AKAP6: variants seen among roughly 807,000 people sequenced by gnomAD.
The protein encoded by AKAP6 is A-kinase anchor protein 6.
A neutral mutation model predicts 188.5 loss-of-function variants in AKAP6; 58 were observed. That is an observed-to-expected ratio of 0.31 (90% CI 0.25 to 0.38). AKAP6 has a LOEUF of 0.38. Among genes scored for constraint, AKAP6 ranks in the 10% least tolerant of loss-of-function variants. The pLI is 1.00. For missense variants in AKAP6, 2,710 were observed against 2,740.0 expected, an observed-to-expected ratio of 0.99 and a Z score of 0.24; for synonymous variants, 989 against 998.6, an observed-to-expected ratio of 0.99 and a Z score of 0.18.
At chr14:32,572,735 T>C (rs979824227) in intron 4 of AKAP6, among the ~76,000 whole-genome samples, 4 of 152,256 alleles carry the variant, frequency 2.6e-5, no homozygotes, top group African/African-American at 9.6e-5. Flanking sequence ...CCAGTAAGTA[T>C]ACATTTGCAT....
intron 9 of AKAP6, among the ~76,000 whole-genome samples, chr14:32,724,684 C>T (rs1235976925): frequency 6.6e-6 from 1 of 152,008 alleles, no homozygotes; most frequent in Non-Finnish European, 1.5e-5. Flanking sequence ...CCGATCACTT[C>T]AAAACAGGCA....
intron 1 of AKAP6, among the ~76,000 whole-genome samples, chr14:32,414,458 C>T (rs1190486153): frequency 6.6e-6 from 1 of 152,130 alleles, no homozygotes. Context: ...TTTGCAGAAC[C>T]GGTATTACAT....
chr14:32,684,022 G>T (rs1395696922), intron 8 of AKAP6, among the ~76,000 whole-genome samples: 1 of 152,230 alleles, frequency 6.6e-6, no homozygotes, highest in Non-Finnish European at 1.5e-5. Context: ...GGAGACAGAT[G>T]TGGCATTCAC....
chr14:32,411,712 C>G (rs1053383457), intron 1 of AKAP6, among the ~76,000 whole-genome samples: 1 of 151,700 alleles, frequency 6.6e-6, no homozygotes, highest in Non-Finnish European at 1.5e-5. Context: ...ATTTAGCTTT[C>G]TTAGATCTGC....
chr14:32,487,663 C>T (rs1879776249), intron 2 of AKAP6, among the ~76,000 whole-genome samples: 1 of 152,196 alleles, frequency 6.6e-6, no homozygotes, highest in Non-Finnish European at 1.5e-5. Context: ...ACTGGTTTTT[C>T]CTCATCTTCA....
At chr14:32,749,327 A>G (rs1420999096) in intron 11 of AKAP6, among the ~76,000 whole-genome samples, 1 of 152,218 alleles carries the variant, frequency 6.6e-6, no homozygotes, top group African/African-American at 2.4e-5. Context: ...TTTAAACAGC[A>G]CTTTCAGCTT....
chr14:32,716,802 G>C (rs1203672710), intron 9 of AKAP6, among the ~76,000 whole-genome samples: 1 of 151,484 alleles, frequency 6.6e-6, no homozygotes, highest in African/African-American at 2.4e-5. Context: ...TTATTTCTAA[G>C]ACAGAAAATA....
At chr14:32,433,230 T>TG (rs1484097504) in intron 1 of AKAP6, 2 of 382,038 alleles carry the variant, frequency 5.2e-6, no homozygotes, top group Admixed American at 8.5e-5. Context: ...ATGGGGGCGG[T>TG]GGGGGGAGAG....
At chr14:32,782,416 G>A (rs1391111576) in intron 12 of AKAP6, among the ~76,000 whole-genome samples, 1 of 151,982 alleles carries the variant, frequency 6.6e-6, no homozygotes, top group Non-Finnish European at 1.5e-5. Context: ...GATCCATAAA[G>A]CAAGAAAAAT....
intron 12 of AKAP6, among the ~76,000 whole-genome samples, chr14:32,784,032 C>T (rs373026383): frequency 3.0e-4 from 46 of 152,182 alleles, no homozygotes; most frequent in African/African-American, 8.2e-4. Flanking sequence ...ATCAAATTTT[C>T]GTATCACATG....
rs187840084 is a variant in AKAP6, at chr14:32,617,612, C to T, written c.2730+16820C>T. On this transcript the variant is annotated intron_variant, in intron 7 of 13. Coordinates refer to ENST00000280979, the MANE Select transcript of AKAP6 (RefSeq NM_004274.5). ...AACACAAATCAAAACCCTTAAATTA[C>T]GTGTGTCCTTTAGGTTGTTTTGTTT... is the stretch of plus-strand genomic sequence containing the variant. 4.6e-3 allele frequency among the ~76,000 whole-genome samples: 706 copies of T among 152,206 alleles called. 4 individuals carry two copies. Among genetic ancestry groups the T allele is most frequent in the Non-Finnish European group, 7.3e-3 (496 of 68,008 alleles).
At chr14:32,509,638 TA>T (rs1439261417) in intron 2 of AKAP6, among the ~76,000 whole-genome samples, 1 of 152,174 alleles carries the variant, frequency 6.6e-6, no homozygotes, top group Non-Finnish European at 1.5e-5. Flanking sequence ...TGCACTCTTT[TA>T]AATTACACTG....
chr14:32,576,243 T>C (rs1330421024), intron 4 of AKAP6, among the ~76,000 whole-genome samples: 1 of 152,090 alleles, frequency 6.6e-6, no homozygotes, highest in Non-Finnish European at 1.5e-5. Flanking sequence ...CCATTCCTAG[T>C]TATGTGTGGA....
chr14:32,629,616 T>C (rs1887171579), intron 7 of AKAP6, among the ~76,000 whole-genome samples: 2 of 151,872 alleles, frequency 1.3e-5, no homozygotes, highest in African/African-American at 4.8e-5. Flanking sequence ...GCTTTGTTGC[T>C]AGTAAGAGAA....
chr14:32,381,945 C>T (rs1341173612), intron 1 of AKAP6, among the ~76,000 whole-genome samples: 1 of 152,186 alleles, frequency 6.6e-6, no homozygotes, highest in East Asian at 1.9e-4. Context: ...TCTCTTCCCT[C>T]TCTTTTCCTA....
intron 1 of AKAP6, among the ~76,000 whole-genome samples, chr14:32,392,840 T>G (rs1307502834): frequency 6.6e-6 from 1 of 152,108 alleles, no homozygotes; most frequent in Non-Finnish European, 1.5e-5. Flanking sequence ...ATCCATGAGT[T>G]TGTAGGGTTA....
intron 11 of AKAP6, among the ~76,000 whole-genome samples, chr14:32,743,555 G>C (rs1008847637): frequency 6.6e-6 from 1 of 151,846 alleles, no homozygotes; most frequent in African/African-American, 2.4e-5. Context: ...TTGGTTTGAG[G>C]TTACCATGAG....
intron 11 of AKAP6, among the ~76,000 whole-genome samples, chr14:32,736,871 G>C (rs2031453030): frequency 6.6e-6 from 1 of 152,052 alleles, no homozygotes; most frequent in Non-Finnish European, 1.5e-5. Flanking sequence ...CCCTAGTGGA[G>C]GCACCCTCAA....
chr14:32,633,783 G>A (rs1015365323), intron 7 of AKAP6, among the ~76,000 whole-genome samples: 1 of 152,074 alleles, frequency 6.6e-6, no homozygotes, highest in African/African-American at 2.4e-5. Flanking sequence ...TGTTACTGCA[G>A]CAAAGCCTAC....
Sources: allele counts gnomAD v4.1 joint callset (sites outside exome capture counted in the v4.1 genomes callset), GRCh38; gene constraint gnomAD v4.1.1; transcripts MANE v1.5; gene names NCBI Gene and HGNC (gene_info 2026-07-23, HGNC 2026-07-21).